Variants in FAR2 observed in about 807,000 individuals in gnomAD.
The protein encoded by FAR2 is epididymis secretory protein Li 81.
FAR2 carries 19 observed loss-of-function variants against 56.0 expected under a neutral mutation model. The observed-to-expected ratio is 0.34, with a 90% confidence interval of 0.24 to 0.50. The LOEUF (loss-of-function observed/expected upper bound fraction) is 0.50. FAR2 is among the 20% of genes least tolerant of loss of function. The pLI is 0.98. For missense variants in FAR2, 508 were observed against 642.2 expected, an observed-to-expected ratio of 0.79 and a Z score of 2.26; for synonymous variants, 219 against 218.8, an observed-to-expected ratio of 1.00 and a Z score of -0.01.
At chr12:29,188,280 C>T (rs188746414) in intron 1 of FAR2, among the ~76,000 whole-genome samples, 64 of 152,274 alleles carry the variant, frequency 4.2e-4, no homozygotes, top group African/African-American at 1.5e-3. Flanking sequence ...CATAAAACCT[C>T]ACCTTTAGCT....
intron 2 of FAR2, among the ~76,000 whole-genome samples, chr12:29,287,828 T>C (rs922775237): frequency 6.6e-6 from 1 of 152,210 alleles, no homozygotes; most frequent in African/African-American, 2.4e-5. Context: ...GTCATGTGGC[T>C]AACTAGTTCA....
intron 1 of FAR2, among the ~76,000 whole-genome samples, chr12:29,264,203 C>T (rs992502762): frequency 8.5e-5 from 13 of 152,088 alleles, no homozygotes; most frequent in South Asian, 8.3e-4. Flanking sequence ...ATCATACCAA[C>T]AGAATGAAGG....
At chr12:29,315,201 G>A (rs1949425867) in intron 8 of FAR2, among the ~76,000 whole-genome samples, 1 of 152,198 alleles carries the variant, frequency 6.6e-6, no homozygotes, top group Admixed American at 6.5e-5. Context: ...TGAAAGAAGT[G>A]AGGGGGCAAA....
At chr12:29,180,343 C>T (rs937214293) in intron 1 of FAR2, among the ~76,000 whole-genome samples, 2 of 152,160 alleles carry the variant, frequency 1.3e-5, no homozygotes, top group Non-Finnish European at 2.9e-5. Flanking sequence ...AGCCCAGTAT[C>T]ATAAAGATAC....
chr12:29,232,792 AACACAC>A (rs149919184), intron 1 of FAR2, among the ~76,000 whole-genome samples: 1 of 148,106 alleles, frequency 6.8e-6, no homozygotes, highest in East Asian at 2.0e-4. Flanking sequence ...TGACCCAACA[AACACAC>A]ACACACACAC....
chr12:29,186,923 G>T (rs888137536), intron 1 of FAR2, among the ~76,000 whole-genome samples: 6 of 152,006 alleles, frequency 3.9e-5, no homozygotes, highest in African/African-American at 1.4e-4. Flanking sequence ...CAAGTAGCTG[G>T]GACTACAGGC....
At chr12:29,183,493 T>A (rs1196446877) in intron 1 of FAR2, among the ~76,000 whole-genome samples, 1 of 152,216 alleles carries the variant, frequency 6.6e-6, no homozygotes, top group Non-Finnish European at 1.5e-5. Flanking sequence ...TTCTAAGTCT[T>A]CCTGGCCTAT....
intron 1 of FAR2, among the ~76,000 whole-genome samples, chr12:29,203,144 A>G (rs926029379): frequency 6.6e-6 from 1 of 152,190 alleles, no homozygotes; most frequent in African/African-American, 2.4e-5. Context: ...GAAAGAACTG[A>G]TATTTTGTAT....
At position 29,301,300 on chromosome 12, in the gene FAR2, C is replaced by T. The variant is rs572202601; in HGVS notation, c.545+4100C>T. On this transcript the variant is annotated intron_variant, in intron 4 of 11. Transcript: ENST00000536681. The stretch of plus-strand genomic sequence containing the variant: ...TCTTATATCTGTAGTTGTCTTCTGC[C>T]CCTCATCCCAGCCACCGGTTCCCAT... Among the ~76,000 whole-genome samples the T allele has an allele frequency of 1.7e-4, 26 of 152,176 alleles. 2 individuals carry two copies. The South Asian group carries it at 5.4e-3, about 32-fold the overall frequency.
At chr12:29,298,032 G>A (rs1467252315) in intron 4 of FAR2, among the ~76,000 whole-genome samples, 2 of 78,742 alleles carry the variant, frequency 2.5e-5, no homozygotes, top group Non-Finnish European at 4.5e-5. Context: ...GTGAAACTCC[G>A]TCTCAAAAAA....
At chr12:29,197,120 A>G (rs2136612415) in intron 1 of FAR2, among the ~76,000 whole-genome samples, 1 of 152,318 alleles carries the variant, frequency 6.6e-6, no homozygotes, top group East Asian at 1.9e-4. Flanking sequence ...TAATGTATGA[A>G]TAGCATAACG....
At position 29,194,925 on chromosome 12, in the gene FAR2, G is replaced by A. The variant is rs1387981878; in HGVS notation, c.-39+45518G>A. On this transcript the variant is annotated intron_variant, in intron 1 of 11. Transcript: ENST00000536681. ...AAGAAAAAGATTGTTTAGTTAACAT[G>A]GAATTGAAGCAAAGTATGGTGACCC... Among the ~76,000 whole-genome samples the A allele has an allele frequency of 2.0e-5, 3 of 152,228 alleles. No homozygotes were observed. In the East Asian group the frequency reaches 5.8e-4, roughly 30 times the overall value.
chr12:29,225,125 A>G (rs941433805), intron 1 of FAR2, among the ~76,000 whole-genome samples: 2 of 152,222 alleles, frequency 1.3e-5, no homozygotes, highest in Admixed American at 6.5e-5. Flanking sequence ...AGTCCTAGCT[A>G]CTTGGGAGAC....
At chr12:29,181,036 A>G (rs1949987107) in intron 1 of FAR2, among the ~76,000 whole-genome samples, 1 of 152,092 alleles carries the variant, frequency 6.6e-6, no homozygotes, top group Non-Finnish European at 1.5e-5. Context: ...TTACCCTTAA[A>G]TATTCATTAA....
chr12:29,156,725 C>T (rs974025186), intron 1 of FAR2: 1 of 152,008 alleles, frequency 6.6e-6, no homozygotes, highest in African/African-American at 2.4e-5. Flanking sequence ...GACAGAAATA[C>T]AAATTTCTCT....
At chr12:29,293,125 C>T in intron 2 of FAR2, 175 bp from the exon 3 acceptor site, 2 of 462,704 alleles carry the variant, frequency 4.3e-6, no homozygotes, top group Non-Finnish European at 7.3e-6. Context: ...CTTTGGCTTC[C>T]CAAAGTGCTG....
chr12:29,166,896 CT>C (rs1442771659), intron 1 of FAR2, among the ~76,000 whole-genome samples: 10 of 152,184 alleles, frequency 6.6e-5, no homozygotes, highest in Non-Finnish European at 1.2e-4. Context: ...ATCCCTGCCC[CT>C]GATACAGATA....
intron 1 of FAR2, among the ~76,000 whole-genome samples, chr12:29,165,596 G>A (rs1464054010): frequency 1.3e-5 from 2 of 152,176 alleles, no homozygotes; most frequent in South Asian, 2.1e-4. Flanking sequence ...TTGTTTGAAT[G>A]TAGTAGACAC....
intron 10 of FAR2, among the ~76,000 whole-genome samples, chr12:29,324,194 G>C (rs1317505913): frequency 6.6e-6 from 1 of 152,066 alleles, no homozygotes; most frequent in South Asian, 2.1e-4. Context: ...GAGAAGTTTA[G>C]AGAAAAAAGA....
Sources: gnomAD v4.1 joint callset for allele counts (sites outside exome capture counted in the v4.1 genomes callset) on GRCh38, gnomAD v4.1.1 for gene constraint, MANE v1.5 for transcripts, NCBI Gene and HGNC (gene_info 2026-07-23, HGNC 2026-07-21) for gene names.